The following CSGALNACT1 variants were observed in gnomAD, a reference collection of about 807,000 sequenced individuals.
CSGALNACT1 encodes chondroitin sulfate N-acetylgalactosaminyltransferase 1.
A neutral mutation model predicts 51.0 loss-of-function variants in CSGALNACT1; 52 were observed. That is an observed-to-expected ratio of 1.02 (90% CI 0.82 to 1.29). The LOEUF (loss-of-function observed/expected upper bound fraction) is 1.29, where lower values mean the gene tolerates loss of function less well. Ranked by LOEUF, CSGALNACT1 falls within the 50% of genes most tolerant of loss-of-function variation. The pLI is 0.00. For synonymous variants in CSGALNACT1, 341 were observed against 254.4 expected (o/e 1.34, Z -3.24); for missense variants, 935 against 679.2 (o/e 1.38, Z -4.19).
At chr8:19,513,434 C>CTATATATATA (rs1353825526) in intron 3 of CSGALNACT1, among the ~76,000 whole-genome samples, 94 of 66,530 alleles carry the variant, frequency 1.4e-3, no homozygotes, top group East Asian at 2.6e-3. Context: ...CTCTCTCTCT[C>CTATATATATA]TCTATATATA....
intron 1 of CSGALNACT1, among the ~76,000 whole-genome samples, chr8:19,675,888 C>T (rs2060140705): frequency 6.6e-6 from 1 of 151,908 alleles, no homozygotes; most frequent in South Asian, 2.1e-4. Context: ...ATAACAGAGA[C>T]CTGAGGACTG....
chr8:19,457,867 G>C, intron 5 of CSGALNACT1: 1 of 1,189,974 alleles, frequency 8.4e-7, no homozygotes, highest in East Asian at 4.8e-5. Context: ...AAAAATGTGG[G>C]CTTGAAACCT....
At chr8:19,634,000 C>T (rs1439558257) in intron 1 of CSGALNACT1, among the ~76,000 whole-genome samples, 2 of 152,178 alleles carry the variant, frequency 1.3e-5, no homozygotes, top group African/African-American at 4.8e-5. Flanking sequence ...ACACAGCCTC[C>T]AGGGATGATG....
At chr8:19,498,400 C>A (rs181477819) in intron 4 of CSGALNACT1, among the ~76,000 whole-genome samples, 9 of 152,324 alleles carry the variant, frequency 5.9e-5, no homozygotes, top group African/African-American at 1.9e-4. Flanking sequence ...TGCCTCCTAC[C>A]CAACACGGGT....
At chr8:19,652,958 C>T (rs912928570) in intron 1 of CSGALNACT1, among the ~76,000 whole-genome samples, 2 of 152,168 alleles carry the variant, frequency 1.3e-5, no homozygotes, top group African/African-American at 4.8e-5. Flanking sequence ...TCAAATTTTC[C>T]AGTAACCAAG....
At chr8:19,555,422 G>A (rs1156494690) in intron 3 of CSGALNACT1, among the ~76,000 whole-genome samples, 6 of 152,126 alleles carry the variant, frequency 3.9e-5, no homozygotes, top group African/African-American at 1.4e-4. Flanking sequence ...CAAACTATCA[G>A]ATGCAGTAAG....
At chr8:19,622,825 G>A (rs1273004178) in intron 1 of CSGALNACT1, among the ~76,000 whole-genome samples, 2 of 151,908 alleles carry the variant, frequency 1.3e-5, no homozygotes, top group African/African-American at 2.4e-5. Context: ...ACAAGAAATG[G>A]GTGAGAAAAA....
intron 3 of CSGALNACT1, among the ~76,000 whole-genome samples, chr8:19,516,701 C>T (rs958001979): frequency 1.3e-5 from 2 of 152,198 alleles, no homozygotes; most frequent in African/African-American, 4.8e-5. Flanking sequence ...TCCACCAGAC[C>T]CTCCAGCCGT....
intron 1 of CSGALNACT1, among the ~76,000 whole-genome samples, chr8:19,737,935 T>G (rs2064085326): frequency 1.3e-5 from 2 of 152,204 alleles, no homozygotes. Flanking sequence ...AGTTTCAGTT[T>G]GACAATATTA....
intron 1 of CSGALNACT1, among the ~76,000 whole-genome samples, chr8:19,677,110 CT>C (rs34412968): frequency 8.1e-5 from 12 of 148,942 alleles, no homozygotes; most frequent in Non-Finnish European, 1.0e-4. Flanking sequence ...TTTGAGAATG[CT>C]TTTTTTTTTC....
chr8:19,501,905 T>G (rs1305134643), intron 4 of CSGALNACT1, among the ~76,000 whole-genome samples: 1 of 152,242 alleles, frequency 6.6e-6, no homozygotes, highest in Admixed American at 6.5e-5. Context: ...CCCAGATGGT[T>G]GTAAAAAATT....
intron 1 of CSGALNACT1, among the ~76,000 whole-genome samples, chr8:19,672,967 T>G (rs1183262767): frequency 6.6e-6 from 1 of 152,254 alleles, no homozygotes; most frequent in Admixed American, 6.5e-5. Flanking sequence ...CCACTGTATC[T>G]CACTGCTTCT....
At chr8:19,625,019 C>G (rs2054273378) in intron 1 of CSGALNACT1, among the ~76,000 whole-genome samples, 2 of 152,180 alleles carry the variant, frequency 1.3e-5, no homozygotes, top group Non-Finnish European at 2.9e-5. Context: ...TGCTATCACC[C>G]AGCTAGTAGA....
intron 4 of CSGALNACT1, among the ~76,000 whole-genome samples, chr8:19,500,050 G>A (rs1216770047): frequency 1.3e-5 from 2 of 152,092 alleles, no homozygotes; most frequent in Non-Finnish European, 2.9e-5. Context: ...TTCCTTATAG[G>A]GACTTAAAGC....
At chr8:19,670,793 T>C (rs572305666) in intron 1 of CSGALNACT1, among the ~76,000 whole-genome samples, 73 of 152,148 alleles carry the variant, frequency 4.8e-4, no homozygotes, top group Non-Finnish European at 5.0e-4. Flanking sequence ...CTAAAATAGA[T>C]TGAGCCAGAT....
intron 3 of CSGALNACT1, among the ~76,000 whole-genome samples, chr8:19,521,233 G>C (rs746579812): frequency 1.3e-5 from 2 of 152,132 alleles, no homozygotes; most frequent in Non-Finnish European, 2.9e-5. Flanking sequence ...GTGTTGACAT[G>C]AACTGGAGAG....
intron 3 of CSGALNACT1, among the ~76,000 whole-genome samples, chr8:19,567,501 T>C (rs2042133990): frequency 6.6e-6 from 1 of 152,212 alleles, no homozygotes; most frequent in Non-Finnish European, 1.5e-5. Flanking sequence ...GAAGGGTATT[T>C]ACAACAACTC....
chr8:19,642,701 G>A (rs769741201), intron 1 of CSGALNACT1, among the ~76,000 whole-genome samples: 4 of 151,636 alleles, frequency 2.6e-5, no homozygotes, highest in African/African-American at 7.3e-5. Context: ...TGAGAGGATC[G>A]TTTGGGCCCA....
chr8:19,719,673 G>A (rs1388182873), intron 1 of CSGALNACT1, among the ~76,000 whole-genome samples: 3 of 152,098 alleles, frequency 2.0e-5, no homozygotes, highest in Non-Finnish European at 2.9e-5. Context: ...AAAGCTTCAC[G>A]TCCACAGTTA....
Sources: allele counts gnomAD v4.1 joint callset (sites outside exome capture counted in the v4.1 genomes callset), GRCh38; gene constraint gnomAD v4.1.1; transcripts MANE v1.5; gene names NCBI Gene and HGNC (gene_info 2026-07-23, HGNC 2026-07-21).